STARD13: variants seen among roughly 807,000 people sequenced by gnomAD.
The protein encoded by STARD13 is StAR related lipid transfer domain containing 13, also known as stAR-related lipid transfer protein 13.
STARD13 carries 62 observed loss-of-function variants against 106.4 expected under a neutral mutation model. The ratio of observed to expected loss-of-function variants is 0.58; its 90% CI spans 0.48 to 0.72. The LOEUF is 0.72. STARD13 is among the 30% of genes least tolerant of loss of function. The pLI, the probability that STARD13 is intolerant of heterozygous loss-of-function variation, is 0.00. For missense variants in STARD13, 1,387 were observed against 1,424.0 expected, an observed-to-expected ratio of 0.97 and a Z score of 0.42; for synonymous variants, 565 against 553.0, an observed-to-expected ratio of 1.02 and a Z score of -0.31.
At chr13:33,418,195 C>T in the STARD13 span, among the ~76,000 whole-genome samples, 6 of 152,278 alleles carry the variant, frequency 3.9e-5, no homozygotes, top group South Asian at 2.1e-4. Context: ...CAAGAGAAGC[C>T]GTGACAGACT....
At chr13:33,163,688 TA>T in intron 3 of STARD13, among the ~76,000 whole-genome samples, 1 of 118,844 alleles carries the variant, frequency 8.4e-6, no homozygotes, top group Non-Finnish European at 1.7e-5. Flanking sequence ...ATAAAACATA[TA>T]TATATATAAC....
intron 1 of STARD13, among the ~76,000 whole-genome samples, chr13:33,264,151 G>A (rs1164971846): frequency 1.3e-5 from 2 of 152,166 alleles, no homozygotes; most frequent in Non-Finnish European, 2.9e-5. Context: ...CCAAGGCTTC[G>A]GATGTTCCTG....
Position 33,331,171 on chromosome 13 carries a change from C to T in STARD13, c.124+19119G>A, listed in dbSNP as rs551798433. ...TTCACTGGCTCTTTTTCTTGCACTT[C>T]AGGTCCCAGCAACATCAAATAATTC... On this transcript the variant is annotated intron_variant, in intron 1 of 5. Transcript: ENST00000567873. Among the ~76,000 whole-genome samples, 11 of 152,246 alleles carry T rather than the reference C, an allele frequency of 7.2e-5. No individual in the cohort carries two copies. The South Asian group carries it at 2.3e-3, about 32-fold the overall frequency.
At chr13:33,465,279 C>T in the STARD13 span, among the ~76,000 whole-genome samples, 2 of 147,784 alleles carry the variant, frequency 1.4e-5, no homozygotes, top group East Asian at 2.0e-4. Context: ...GATCTCGGCT[C>T]ACTGCAAGCT....
chr13:33,638,241 T>C, the STARD13 span, among the ~76,000 whole-genome samples: 2 of 152,182 alleles, frequency 1.3e-5, no homozygotes, highest in African/African-American at 4.8e-5. Flanking sequence ...AGCTCGGTTT[T>C]ACACATTTTA....
chr13:33,375,861 A>C, the STARD13 span, among the ~76,000 whole-genome samples: 7 of 152,222 alleles, frequency 4.6e-5, no homozygotes, highest in African/African-American at 1.7e-4. Context: ...ACACCAAAAA[A>C]TGCCCTGGTT....
the STARD13 span, among the ~76,000 whole-genome samples, chr13:33,427,812 G>A: frequency 6.0e-3 from 917 of 152,056 alleles, 8 homozygotes; most frequent in African/African-American, 0.021. Flanking sequence ...AAAATTAGCC[G>A]GGCGTGGTGA....
At chr13:33,412,928 G>T in the STARD13 span, among the ~76,000 whole-genome samples, 1 of 152,086 alleles carries the variant, frequency 6.6e-6, no homozygotes, top group Non-Finnish European at 1.5e-5. Flanking sequence ...GGATATAGAA[G>T]AACTCAACAG....
intron 1 of STARD13, chr13:33,275,656 C>A (rs2138375564): frequency 6.6e-6 from 1 of 152,328 alleles, no homozygotes; most frequent in African/African-American, 2.4e-5. Flanking sequence ...GGTTGATGGA[C>A]AACATCCCTA....
At chr13:33,622,666 A>T in the STARD13 span, among the ~76,000 whole-genome samples, 1 of 142,234 alleles carries the variant, frequency 7.0e-6, no homozygotes, top group African/African-American at 2.6e-5. Context: ...TCAAGCCTGT[A>T]CTCCCAGCAC....
chr13:33,230,269 C>T (rs1329790989), intron 1 of STARD13, among the ~76,000 whole-genome samples: 2 of 152,164 alleles, frequency 1.3e-5, no homozygotes, highest in African/African-American at 4.8e-5. Flanking sequence ...TTTACTGTCA[C>T]GCTCTTGACT....
At chr13:33,500,215 A>G in the STARD13 span, among the ~76,000 whole-genome samples, 7 of 152,294 alleles carry the variant, frequency 4.6e-5, no homozygotes, top group African/African-American at 1.7e-4. Flanking sequence ...AGTCCATAAC[A>G]ATGGATTGAG....
the STARD13 span, among the ~76,000 whole-genome samples, chr13:33,523,993 C>G: frequency 6.6e-6 from 1 of 152,164 alleles, no homozygotes; most frequent in Admixed American, 6.5e-5. Context: ...ATGGACTAAC[C>G]GTTTTACCTT....
the STARD13 span, among the ~76,000 whole-genome samples, chr13:33,523,344 T>C: frequency 6.6e-5 from 10 of 152,290 alleles, no homozygotes; most frequent in Middle Eastern, 6.8e-3. Flanking sequence ...TGCTGAGTAA[T>C]TTCTTAAATT....
At chr13:33,338,588 C>T (rs1294999541) in intron 1 of STARD13, among the ~76,000 whole-genome samples, 1 of 151,896 alleles carries the variant, frequency 6.6e-6, no homozygotes, top group African/African-American at 2.4e-5. Context: ...TTTAAAAAAT[C>T]CCAGTCAGAG....
At chr13:33,143,331 T>G (rs975277999) in intron 3 of STARD13, among the ~76,000 whole-genome samples, 3 of 152,150 alleles carry the variant, frequency 2.0e-5, no homozygotes, top group Non-Finnish European at 4.4e-5. Context: ...CTATCATCCG[T>G]AGATTAGTTT....
At chr13:33,132,605 A>C (rs1878477451) in intron 4 of STARD13, among the ~76,000 whole-genome samples, 1 of 152,146 alleles carries the variant, frequency 6.6e-6, no homozygotes, top group South Asian at 2.1e-4. Flanking sequence ...AATCTCAGCT[A>C]CTTGGGAGTC....
the STARD13 span, among the ~76,000 whole-genome samples, chr13:33,551,568 CCTTTTTTTTTTTTTTTTTTTTTTT>C: frequency 0.032 from 1,423 of 44,776 alleles, 252 homozygotes; most frequent in Admixed American, 0.05. Flanking sequence ...TTTGCTTTTC[CCTTTTTTTTTTTTTTTTTTTTTTT>C]TTTTTTTTTT....
the STARD13 span, among the ~76,000 whole-genome samples, chr13:33,571,486 A>G: frequency 3.9e-5 from 6 of 152,128 alleles, no homozygotes; most frequent in Admixed American, 2.0e-4. Flanking sequence ...TATTAGTTAC[A>G]TAACTCAAAT....
Sources: allele counts gnomAD v4.1 joint callset (sites outside exome capture counted in the v4.1 genomes callset), GRCh38; gene constraint gnomAD v4.1.1; transcripts MANE v1.5; gene names NCBI Gene and HGNC (gene_info 2026-07-23, HGNC 2026-07-21).